NCOR2: variants seen among roughly 807,000 people sequenced by gnomAD.
NCOR2 encodes the protein nuclear receptor corepressor 2.
In NCOR2, 81 loss-of-function variants were observed where a neutral mutation model predicts 262.9. The ratio of observed to expected loss-of-function variants is 0.31; its 90% CI spans 0.26 to 0.37. The LOEUF is 0.37. Among genes scored for constraint, NCOR2 ranks in the 10% least tolerant of loss-of-function variants. The pLI is 1.00. For synonymous variants in NCOR2, 1,659 were observed against 1,559.3 expected (o/e 1.06, Z -1.51); for missense variants, 3,385 against 3,621.4 (o/e 0.93, Z 1.68).
At chr12:124,351,650 CAG>C (rs1291071932) in intron 27 of NCOR2, among the ~76,000 whole-genome samples, 6 of 152,150 alleles carry the variant, frequency 3.9e-5, no homozygotes, top group African/African-American at 1.4e-4. Context: ...ACACAAGCAT[CAG>C]AGTTAGAATA....
chr12:124,440,556 C>T lies in NCOR2; in HGVS notation c.816-2560G>A, dbSNP rs1160836446. Among the ~76,000 whole-genome samples, 2 of 152,260 alleles carry T rather than the reference C, an allele frequency of 1.3e-5. No homozygotes were observed. Among genetic ancestry groups the T allele is most frequent in the Non-Finnish European group, 2.9e-5 (2 of 68,050 alleles). On this transcript the variant is annotated intron_variant, in intron 7 of 46. Transcript: ENST00000405201. The surrounding 1 kb of genome is among the most constrained non-coding windows in gnomAD (Gnocchi z 5.7). ...TCCTCATCTGAAATCTATGGCATCG[C>T]AGCCTCATCTTCTGTTATTCAATAA...
At chr12:124,341,885 A>T in exon 34 of NCOR2, 1 of 1,612,542 alleles carries the variant, frequency 6.2e-7, no homozygotes, top group Non-Finnish European at 8.5e-7. Context: ...GCCCCTCAGC[A>T]TATCAGCTCG....
intron 16 of NCOR2, among the ~76,000 whole-genome samples, chr12:124,387,094 G>C (rs1346317264): frequency 6.6e-6 from 1 of 152,242 alleles, no homozygotes; most frequent in Admixed American, 6.5e-5. Flanking sequence ...CCATAATGAA[G>C]GTTTTAACCA....
intron 28 of NCOR2, chr12:124,348,516 T>C (rs1365428235): frequency 3.1e-6 from 2 of 636,616 alleles, no homozygotes; most frequent in African/African-American, 1.9e-5. Context: ...CAGGAGCTTT[T>C]CCAGGGGGTT....
exon 15 of NCOR2, chr12:124,400,581 C>T (rs1187131215): frequency 1.9e-6 from 3 of 1,614,194 alleles, no homozygotes; most frequent in Admixed American, 1.7e-5. Context: ...GCGGCCTTTG[C>T]GTCTTCCCTG....
chr12:124,385,939 G>T (rs1555214735), intron 16 of NCOR2, 52 bp from the exon 19 acceptor site: 1 of 1,589,098 alleles, frequency 6.3e-7, no homozygotes, highest in Non-Finnish European at 8.6e-7. Context: ...GCACGCAGAG[G>T]GGGCCTGCAT....
At chr12:124,341,851 C>T (rs1183584934) in exon 34 of NCOR2, 1 of 1,608,466 alleles carries the variant, frequency 6.2e-7, no homozygotes, top group Non-Finnish European at 8.5e-7. Flanking sequence ...AGTTGAGTGC[C>T]AGCGAGGACT....
At chr12:124,486,388 T>A in intron 2 of NCOR2, 53 bp downstream of exon 4, 1 of 1,599,852 alleles carries the variant, frequency 6.3e-7, no homozygotes, top group Non-Finnish European at 8.5e-7. Flanking sequence ...TGCTTCTCCA[T>A]CTGAGAAGGA....
In NCOR2 at chr12:124,354,507, G is replaced by GGCACC; in HGVS notation, c.3555_3559dup (p.Pro1187ArgfsTer11). ...CAGCACGGACGCCTCCTGGGCTGTG[G>GGCACC]GCACCCCCAGGCTCTCCGGTGGCCC... On this transcript the variant is annotated frameshift_variant, in exon 26 of 47. Transcript: ENST00000405201. LOFTEE classifies it high-confidence loss of function. 1 of 1,587,648 alleles carries GGCACC rather than the reference G, an allele frequency of 6.3e-7. No individual in the cohort carries two copies. The highest frequency in any genetic ancestry group is 8.5e-7 in the Non-Finnish European group (1 of 1,170,996).
intron 7 of NCOR2, among the ~76,000 whole-genome samples, chr12:124,445,359 C>T (rs1199331845): frequency 1.3e-5 from 2 of 152,186 alleles, no homozygotes; most frequent in Non-Finnish European, 2.9e-5. Flanking sequence ...GTGGTCTGAG[C>T]GCTCCCTCCT....
chr12:124,457,272 C>T lies in NCOR2; in HGVS notation c.706-110G>A. 1 of 1,225,320 alleles carries T rather than the reference C, an allele frequency of 8.2e-7. No homozygotes were observed. The highest frequency in any genetic ancestry group is 1.6e-5 in the African/African-American group (1 of 61,200). The allele number at this position is 1,225,320 out of a possible 1,614,324, so 75.9% of individuals were successfully genotyped here. ...CACCTGCCCAGCCCAGTCCAGCATG[C>T]TGATCCTCAGCACGGGGGAGGGAGG... On this transcript the variant is annotated intron_variant, in intron 5 of 46. Coordinates refer to ENST00000405201, the Ensembl canonical transcript of NCOR2. The surrounding 1 kb of genome is among the most constrained non-coding windows in gnomAD (Gnocchi z 4.0).
intron 44 of NCOR2, among the ~76,000 whole-genome samples, chr12:124,328,015 TTTG>T (rs965205159): frequency 6.6e-6 from 1 of 151,366 alleles, no homozygotes; most frequent in African/African-American, 2.4e-5. Flanking sequence ...GGCTGTTTTG[TTTG>T]TTTTTTTTTT....
intron 1 of NCOR2, among the ~76,000 whole-genome samples, chr12:124,524,190 G>A (rs950741858): frequency 1.3e-5 from 2 of 152,172 alleles, no homozygotes; most frequent in Non-Finnish European, 2.9e-5. Flanking sequence ...CCCATTCAAT[G>A]TTTTTTAAAA....
Position 124,378,150 on chromosome 12 carries a change from A to C in NCOR2, c.2167+87T>G. On this transcript the variant is annotated intron_variant, in intron 18 of 46. Coordinates refer to ENST00000405201, the Ensembl canonical transcript of NCOR2. This position sits in a 1 kb window ranked among gnomAD's most constrained non-coding sequence, Gnocchi z 4.2. ...GGACCCAGATGACTCAGGGGAGAGGAGGCTGCCGGGATCAGTTCCCGCTAT... is the reference window on the plus strand; with the variant it reads ...GGACCCAGATGACTCAGGGGAGAGGCGGCTGCCGGGATCAGTTCCCGCTAT... 1 of 1,541,576 alleles carries C rather than the reference A, an allele frequency of 6.5e-7. No individual in the cohort carries two copies.
intron 28 of NCOR2, chr12:124,348,547 C>G (rs1051556811): frequency 6.3e-5 from 36 of 569,554 alleles, no homozygotes; most frequent in Middle Eastern, 4.6e-4. Flanking sequence ...AGATGCAGGG[C>G]ACGCTGCCTG....
intron 1 of NCOR2, among the ~76,000 whole-genome samples, chr12:124,494,041 A>C (rs1337195150): frequency 6.6e-6 from 1 of 152,206 alleles, no homozygotes; most frequent in Non-Finnish European, 1.5e-5. Flanking sequence ...CACTGAGGAC[A>C]GCTGACTCTG....
chr12:124,501,422 G>T (rs975392070), intron 1 of NCOR2, among the ~76,000 whole-genome samples: 6 of 152,178 alleles, frequency 3.9e-5, no homozygotes, highest in African/African-American at 1.2e-4. Flanking sequence ...AACAGAAATG[G>T]ATTGTCTCAC....
chr12:124,563,100 G>A (rs1191243576), intron 1 of NCOR2, among the ~76,000 whole-genome samples: 2 of 152,178 alleles, frequency 1.3e-5, no homozygotes, highest in Admixed American at 1.3e-4. Flanking sequence ...GGCACAGGTG[G>A]CCGGCAATGT....
intron 27 of NCOR2, among the ~76,000 whole-genome samples, chr12:124,353,465 T>C (rs1409439457): frequency 6.6e-6 from 1 of 152,250 alleles, no homozygotes; most frequent in Non-Finnish European, 1.5e-5. Context: ...AACACCTCCC[T>C]GTGGACCATC....
Sources: allele counts gnomAD v4.1 joint callset (sites outside exome capture counted in the v4.1 genomes callset), GRCh38; gene constraint gnomAD v4.1.1; non-coding constraint Gnocchi (gnomAD v3.1); transcripts MANE v1.5; gene names NCBI Gene and HGNC (gene_info 2026-07-23, HGNC 2026-07-21).